The following KCNH1 variants were observed in gnomAD, a reference collection of about 807,000 sequenced individuals.
KCNH1 encodes the protein voltage-gated delayed rectifier potassium channel KCNH1.
KCNH1 carries 27 observed loss-of-function variants against 69.2 expected under a neutral mutation model. The observed-to-expected ratio is 0.39, with a 90% confidence interval of 0.29 to 0.54. KCNH1 has a LOEUF of 0.54. Among genes scored for constraint, KCNH1 ranks in the 20% least tolerant of loss-of-function variants. The pLI is 0.68. For missense variants in KCNH1, 798 were observed against 1,261.6 expected, an observed-to-expected ratio of 0.63 and a Z score of 5.57; for synonymous variants, 456 against 487.7, an observed-to-expected ratio of 0.93 and a Z score of 0.86.
chr1:211,056,712 T>A (rs768531258), intron 5 of KCNH1, among the ~76,000 whole-genome samples: 21 of 152,074 alleles, frequency 1.4e-4, no homozygotes, highest in African/African-American at 5.1e-4. Flanking sequence ...ACTCCATTGG[T>A]TTGGGAGAAA....
intron 7 of KCNH1, among the ~76,000 whole-genome samples, chr1:210,866,906 C>A (rs1460896824): frequency 6.8e-6 from 1 of 146,070 alleles, no homozygotes; most frequent in Non-Finnish European, 1.6e-5. Context: ...GTGGTATAGC[C>A]ATACAATAAA....
At chr1:210,776,452 G>C (rs1243917679) in intron 9 of KCNH1, among the ~76,000 whole-genome samples, 3 of 152,066 alleles carry the variant, frequency 2.0e-5, no homozygotes, top group African/African-American at 4.8e-5. Flanking sequence ...CTAACCCTTA[G>C]TGCAATGATG....
intron 3 of KCNH1, among the ~76,000 whole-genome samples, chr1:211,095,048 G>T (rs1389830999): frequency 2.6e-5 from 4 of 152,268 alleles, no homozygotes; most frequent in Non-Finnish European, 5.9e-5. Context: ...TGACTTTCCT[G>T]CAGACAGAGC....
intron 6 of KCNH1, among the ~76,000 whole-genome samples, chr1:210,927,188 C>T (rs913478643): frequency 4.6e-5 from 7 of 152,050 alleles, no homozygotes; most frequent in Non-Finnish European, 8.8e-5. Context: ...TGCTAGAGAT[C>T]TAGACATCCA....
At chr1:210,788,821 C>T (rs1035598123) in intron 9 of KCNH1, among the ~76,000 whole-genome samples, 1 of 147,120 alleles carries the variant, frequency 6.8e-6, no homozygotes, top group South Asian at 2.2e-4. Flanking sequence ...CTCAGCCTCC[C>T]AAGTAGCTGG....
chr1:210,897,519 C>A (rs17017024), intron 7 of KCNH1, among the ~76,000 whole-genome samples: 11,777 of 152,232 alleles, frequency 0.077, 1,476 homozygotes, highest in African/African-American at 0.27. Flanking sequence ...GATGAGGACA[C>A]CCCTGCCCTC....
Position 210,692,526 on chromosome 1 carries a change from C to T in KCNH1, c.2113-8388G>A, listed in dbSNP as rs114407159. The stretch of plus-strand genomic sequence containing the variant: ...GGACTGAATTATGACCCTCAAAAGA[C>T]ACATCCACTCAGAACTTCAGAAGGT... On this transcript the variant is annotated intron_variant, in intron 10 of 10. Transcript: ENST00000271751. Among the ~76,000 whole-genome samples the T allele has an allele frequency of 4.1e-3, 631 of 152,276 alleles. 4 individuals carry two copies. Among genetic ancestry groups the T allele is most frequent in the African/African-American group, 0.014 (586 of 41,548 alleles).
rs1254461162 is a variant in KCNH1, at chr1:210,806,820, AAAAAAAAAAAAAAAAAATAT to A, written c.1463-2674_1463-2655del. Among the ~76,000 whole-genome samples the A allele has an allele frequency of 1.7e-4, 4 of 23,694 alleles. 1 individual carries two copies. The highest frequency in any genetic ancestry group is 3.0e-4 in the Non-Finnish European group (3 of 9,970). 15.5% of individuals were successfully genotyped at this position (23,694 alleles called of 152,430 possible). A position where few individuals can be genotyped will look rare whatever the true frequency, so the allele number is the denominator to read the frequency against. On this transcript the variant is annotated intron_variant, in intron 7 of 10. Coordinates refer to ENST00000271751, the MANE Select transcript of KCNH1 (RefSeq NM_172362.3). ...CCCCATCTCTACCAAAAAAAAAAAA[AAAAAAAAAAAAAAAAAATAT>A]ATATATATATATATAAATTTGCCGG... is the stretch of plus-strand genomic sequence containing the variant.
intron 5 of KCNH1, among the ~76,000 whole-genome samples, chr1:211,069,866 A>G (rs1432944523): frequency 6.6e-6 from 1 of 152,214 alleles, no homozygotes; most frequent in Admixed American, 6.5e-5. Flanking sequence ...GGATTTGTTT[A>G]TATTTTACGG....
chr1:210,894,336 T>C (rs1210722889), intron 7 of KCNH1, among the ~76,000 whole-genome samples: 1 of 152,188 alleles, frequency 6.6e-6, no homozygotes, highest in Non-Finnish European at 1.5e-5. Context: ...GAAAGACCCT[T>C]CTGACTACTC....
chr1:210,729,317 G>C (rs1303508505), intron 10 of KCNH1, among the ~76,000 whole-genome samples: 2 of 151,964 alleles, frequency 1.3e-5, no homozygotes, highest in Non-Finnish European at 2.9e-5. Context: ...AAATTATCAA[G>C]AAAAAAAATG....
At chr1:210,739,821 C>T (rs1682977837) in intron 10 of KCNH1, among the ~76,000 whole-genome samples, 2 of 152,208 alleles carry the variant, frequency 1.3e-5, no homozygotes, top group African/African-American at 2.4e-5. Context: ...GCACCCAGGA[C>T]AGCATCTCTT....
intron 6 of KCNH1, among the ~76,000 whole-genome samples, chr1:211,011,831 T>C (rs941897092): frequency 1.6e-4 from 24 of 152,222 alleles, no homozygotes; most frequent in Admixed American, 1.4e-3. Context: ...ACAAGAGGCA[T>C]GTCTCCTCCA....
At chr1:210,948,891 C>T (rs1574355388) in intron 6 of KCNH1, among the ~76,000 whole-genome samples, 2 of 148,488 alleles carry the variant, frequency 1.3e-5, no homozygotes, top group East Asian at 3.9e-4. Context: ...CGGGTTATAA[C>T]AAAACTTTAT....
At chr1:210,847,446 T>A (rs533916297) in intron 7 of KCNH1, among the ~76,000 whole-genome samples, 1 of 152,272 alleles carries the variant, frequency 6.6e-6, no homozygotes, top group East Asian at 1.9e-4. Flanking sequence ...TGGATGAAAC[T>A]GGAAACCATC....
At chr1:211,100,292 C>T (rs1691234624) in intron 3 of KCNH1, among the ~76,000 whole-genome samples, 1 of 152,128 alleles carries the variant, frequency 6.6e-6, no homozygotes, top group Non-Finnish European at 1.5e-5. Context: ...TTAACTTGGC[C>T]GTGTGACTGG....
intron 5 of KCNH1, among the ~76,000 whole-genome samples, chr1:211,061,302 G>A (rs1311290005): frequency 1.3e-5 from 2 of 152,020 alleles, no homozygotes; most frequent in African/African-American, 4.8e-5. Context: ...AGATAGAGAA[G>A]GAACATATAT....
intron 7 of KCNH1, among the ~76,000 whole-genome samples, chr1:210,871,346 A>G (rs1371217689): frequency 6.6e-6 from 1 of 152,212 alleles, no homozygotes; most frequent in Non-Finnish European, 1.5e-5. Context: ...TCAAAACCAC[A>G]ATGAGATACC....
At chr1:210,782,909 A>C (rs183140904) in intron 9 of KCNH1, among the ~76,000 whole-genome samples, 1 of 152,348 alleles carries the variant, frequency 6.6e-6, no homozygotes, top group Non-Finnish European at 1.5e-5. Context: ...AACTGTGAGG[A>C]ATAAATTTCT....
Sources: allele counts gnomAD v4.1 joint callset (sites outside exome capture counted in the v4.1 genomes callset), GRCh38; gene constraint gnomAD v4.1.1; transcripts MANE v1.5; gene names NCBI Gene and HGNC (gene_info 2026-07-23, HGNC 2026-07-21).